The following SVIL variants were observed in gnomAD, a reference collection of about 807,000 sequenced individuals.
SVIL encodes supervillin, also known as archvillin.
Under a neutral mutation model 240.4 loss-of-function variants are expected in SVIL, and 101 were observed. The ratio of observed to expected loss-of-function variants is 0.42; its 90% confidence interval spans 0.36 to 0.50. The LOEUF (loss-of-function observed/expected upper bound fraction) is 0.50. Among genes scored for constraint, SVIL ranks in the 20% least tolerant of loss-of-function variants. The pLI is 0.01. For synonymous variants in SVIL, 999 were observed against 1,100.0 expected (o/e 0.91, Z 1.82); for missense variants, 2,512 against 2,818.7 (o/e 0.89, Z 2.46).
At chr10:29,473,278 A>T (rs1167777578) in intron 30 of SVIL, among the ~76,000 whole-genome samples, 2 of 152,222 alleles carry the variant, frequency 1.3e-5, no homozygotes, top group Non-Finnish European at 1.5e-5. Flanking sequence ...GGCTGCCACG[A>T]ATACAGGTGA....
At chr10:29,656,168 C>A (rs554601933) in intron 3 of SVIL, among the ~76,000 whole-genome samples, 3 of 151,190 alleles carry the variant, frequency 2.0e-5, no homozygotes, top group Non-Finnish European at 4.4e-5. Flanking sequence ...CGTGCCTGGC[C>A]GAGTGTGAGT....
chr10:29,555,019 C>T, intron 4 of SVIL, 32 bp downstream of exon 4: 1 of 1,612,850 alleles, frequency 6.2e-7, no homozygotes, highest in Non-Finnish European at 8.5e-7. Context: ...AAGCTCTCTT[C>T]TACTTCCTAA....
At chr10:29,531,942 T>C (rs1233797965) in intron 9 of SVIL, 60 bp downstream of exon 9, 2 of 1,583,878 alleles carry the variant, frequency 1.3e-6, no homozygotes, top group African/African-American at 1.3e-5. Flanking sequence ...GTCAGTGTGG[T>C]AAAACTCCTG....
intron 30 of SVIL, among the ~76,000 whole-genome samples, chr10:29,473,042 C>CA (rs1406175010): frequency 2.6e-5 from 4 of 152,026 alleles, no homozygotes; most frequent in Non-Finnish European, 5.9e-5. Flanking sequence ...GGGAAGTTTC[C>CA]AGACAGTGGA....
At chr10:29,555,157 G>C (rs1053818305) in intron 3 of SVIL, 49 bp from the exon 4 acceptor site, 2 of 1,503,898 alleles carry the variant, frequency 1.3e-6, no homozygotes, top group African/African-American at 1.4e-5. Flanking sequence ...GTAGTCGTGC[G>C]CTCATTTTAT....
rs1214477658 is a variant in SVIL at position 29,512,808 on chromosome 10, C to T, written c.3443G>A (p.Arg1148Lys). 1 of 1,612,974 alleles carries T rather than the reference C, an allele frequency of 6.2e-7. No individual in the cohort carries two copies. Among genetic ancestry groups the T allele is most frequent in the African/African-American group, 1.3e-5 (1 of 75,024 alleles). The stretch of plus-strand genomic sequence containing the variant: ...CGGCGCCTTGCCGCCCTCCTGCCTC[C>T]TGCTGAGTCTGTTTCTCCAATCTTC... The part of the protein sequence containing the change: ...GEEDWRNRLS[R>K]RQEGGKAPAS... Residue 1148 changes from arginine to lysine, a missense_variant, in exon 17 of 38, where the codon AGG becomes AAG. Physicochemically the swap from Arg to Lys is conservative, Grantham distance 26. Coordinates refer to ENST00000355867, the MANE Select transcript of SVIL (RefSeq NM_021738.3).
intron 6 of SVIL, chr10:29,545,205 T>G: frequency 2.2e-6 from 1 of 447,152 alleles, no homozygotes; most frequent in Non-Finnish European, 4.6e-6. Flanking sequence ...GATGAGCAAA[T>G]GCAATCAGAA....
At chr10:29,605,376 C>G (rs142005806) in intron 1 of SVIL, among the ~76,000 whole-genome samples, 1 of 152,230 alleles carries the variant, frequency 6.6e-6, no homozygotes, top group South Asian at 2.1e-4. Flanking sequence ...CCCGTCTCCC[C>G]CCAGCCTCAG....
chr10:29,567,776 G>A (rs1215562833), intron 2 of SVIL, among the ~76,000 whole-genome samples: 2 of 152,254 alleles, frequency 1.3e-5, no homozygotes, highest in East Asian at 3.9e-4. Context: ...CAGCACTTTG[G>A]GAGGCCGAGG....
chr10:29,510,663 C>T (rs1343834136), intron 17 of SVIL, among the ~76,000 whole-genome samples: 22 of 152,152 alleles, frequency 1.4e-4, no homozygotes, highest in African/African-American at 4.8e-4. Context: ...CTACTCCGTG[C>T]AGCAAGCGCC....
upstream of SVIL, among the ~76,000 whole-genome samples, chr10:29,735,987 C>A (rs1252855961): frequency 1.3e-5 from 2 of 152,144 alleles, no homozygotes; most frequent in African/African-American, 2.4e-5. The surrounding 1 kb of genome is among the most constrained non-coding windows in gnomAD (Gnocchi z 4.1). Context: ...GGCCACCAGG[C>A]GGGAGCACCC....
chr10:29,505,516 A>T (rs908992905), intron 17 of SVIL, among the ~76,000 whole-genome samples: 1 of 151,904 alleles, frequency 6.6e-6, no homozygotes, highest in Non-Finnish European at 1.5e-5. Context: ...GTTGCCAAGG[A>T]CTGGGCGGTG....
At position 29,533,297 on chromosome 10, in the gene SVIL, G is replaced by A; in HGVS notation, c.1070C>T (p.Ala357Val). ...SAFDRVPSKA[A>V]GSTRQPIRGY... ...ACGGATTGGCTGTCGTGTAGAGCCT[G>A]CTGCCTTGCTGGGGACCCTATCAAA... Residue 357 changes from alanine to valine, a missense_variant, in exon 8 of 38, where the codon GCA becomes GTA. Transcript: ENST00000355867. 6.2e-7 allele frequency: 1 copy of A among 1,614,130 alleles called. No individual in the cohort carries two copies. Among genetic ancestry groups the A allele is most frequent in the Non-Finnish European group, 8.5e-7 (1 of 1,180,020 alleles).
At chr10:29,667,534 G>T (rs184926151) in intron 2 of SVIL, among the ~76,000 whole-genome samples, 1 of 152,238 alleles carries the variant, frequency 6.6e-6, no homozygotes, top group Admixed American at 6.5e-5. Flanking sequence ...TATGTCGGTG[G>T]CTACACAATG....
intron 1 of SVIL, among the ~76,000 whole-genome samples, chr10:29,573,553 C>A (rs1283285737): frequency 6.6e-6 from 1 of 151,886 alleles, no homozygotes; most frequent in Non-Finnish European, 1.5e-5. Context: ...TTTAATTTTT[C>A]CACTTGACAT....
Position 29,463,571 on chromosome 10 carries a change from G to A in SVIL, c.6198C>T (p.Asn2066=), listed in dbSNP as rs776908852. 1 of 1,614,186 alleles carries A rather than the reference G, an allele frequency of 6.2e-7. No individual in the cohort carries two copies. Residue 2066 remains asparagine, a synonymous_variant, in exon 35 of 38, where the codon AAC becomes AAT. Transcript: ENST00000355867. ...GGATGCGGGCGGAACCAGTGATCTT[G>A]TTCTCGATGGGCCACCAGCCTTGCC... ...YLWQGWWPIE[N]KITGSARIRW...
At chr10:29,640,625 G>A (rs1958452728) in intron 3 of SVIL, among the ~76,000 whole-genome samples, 1 of 152,116 alleles carries the variant, frequency 6.6e-6, no homozygotes, top group African/African-American at 2.4e-5. Context: ...ACTTGTACCT[G>A]GTTTCCTACC....
chr10:29,654,764 C>T (rs767957806), intron 3 of SVIL, among the ~76,000 whole-genome samples: 1 of 152,182 alleles, frequency 6.6e-6, no homozygotes, highest in Non-Finnish European at 1.5e-5. Context: ...TCAGGGTAGC[C>T]AATGGCATCA....
Position 29,607,385 on chromosome 10 carries a change from AT to A in SVIL, c.-201+27034del, listed in dbSNP as rs887216672. On this transcript the variant is annotated intron_variant, in intron 1 of 37. Transcript: ENST00000355867. ...ACTTCGGAATCTCCTTGCCTAGTTT[AT>A]TTTTTTTCTTAATGGTTGGTATTTT... Among the ~76,000 whole-genome samples the A allele has an allele frequency of 2.6e-5, 4 of 151,864 alleles. No individual in the cohort carries two copies. The East Asian group carries it at 5.8e-4, about 22-fold the overall frequency.
Sources: gnomAD v4.1 joint callset for allele counts (sites outside exome capture counted in the v4.1 genomes callset) on GRCh38, gnomAD v4.1.1 for gene constraint, Gnocchi (gnomAD v3.1) non-coding constraint, MANE v1.5 for transcripts, NCBI Gene and HGNC (gene_info 2026-07-23, HGNC 2026-07-21) for gene names.